GBE1: variants seen among roughly 807,000 people sequenced by gnomAD.
GBE1 encodes 1,4-alpha-glucan-branching enzyme.
Under a neutral mutation model 88.8 loss-of-function variants are expected in GBE1, and 70 were observed. The ratio of observed to expected loss-of-function variants is 0.79; its 90% CI spans 0.65 to 0.96. GBE1 has a LOEUF of 0.96. GBE1 is among the 40% of genes least tolerant of loss of function. The pLI is 0.00. For missense variants in GBE1, 872 were observed against 871.0 expected (o/e 1.00, Z -0.01); for synonymous variants, 284 against 300.1 (o/e 0.95, Z 0.56).
intron 11 of GBE1, among the ~76,000 whole-genome samples, chr3:81,579,116 C>T (rs371170295): frequency 6.6e-6 from 1 of 152,012 alleles, no homozygotes; most frequent in South Asian, 2.1e-4. Flanking sequence ...ATAGATAAAG[C>T]TTATTCTCAT....
chr3:81,558,794 AT>A (rs1181755883), intron 12 of GBE1, among the ~76,000 whole-genome samples: 1 of 152,088 alleles, frequency 6.6e-6, no homozygotes. Context: ...ACCTTTTTAT[AT>A]TTAAACATGT....
chr3:81,664,598 C>T (rs1705084771), intron 3 of GBE1, among the ~76,000 whole-genome samples: 1 of 152,092 alleles, frequency 6.6e-6, no homozygotes, highest in African/African-American at 2.4e-5. Flanking sequence ...TATATAATAA[C>T]TCATTATTAA....
chr3:81,734,784 G>A (rs1469398447), intron 1 of GBE1, among the ~76,000 whole-genome samples: 2 of 152,168 alleles, frequency 1.3e-5, no homozygotes, highest in Non-Finnish European at 1.5e-5. Flanking sequence ...TGCCGTATCA[G>A]TTGTGGCATT....
At chr3:81,523,721 G>T (rs1397596981) in intron 14 of GBE1, among the ~76,000 whole-genome samples, 32 of 151,360 alleles carry the variant, frequency 2.1e-4, no homozygotes, top group Admixed American at 2.1e-3. Flanking sequence ...TTAATTTTTA[G>T]CTTCCATAAA....
intron 1 of GBE1, among the ~76,000 whole-genome samples, chr3:81,711,048 T>C (rs1295282942): frequency 1.3e-5 from 2 of 152,086 alleles, no homozygotes; most frequent in African/African-American, 4.8e-5. Context: ...CAAACTAAAA[T>C]CTTTGCTCTC....
chr3:81,695,291 AC>A (rs1705575452), intron 2 of GBE1, among the ~76,000 whole-genome samples: 1 of 152,240 alleles, frequency 6.6e-6, no homozygotes, highest in Non-Finnish European at 1.5e-5. Context: ...AATGTGGACT[AC>A]CTATACAGTG....
At chr3:81,633,178 G>A (rs781458656) in intron 7 of GBE1, among the ~76,000 whole-genome samples, 4 of 152,166 alleles carry the variant, frequency 2.6e-5, no homozygotes, top group Non-Finnish European at 5.9e-5. Flanking sequence ...TTCAGAGAAC[G>A]AGGGTGGCTA....
chr3:81,521,139 C>T (rs1342553550), intron 14 of GBE1, among the ~76,000 whole-genome samples: 1 of 151,450 alleles, frequency 6.6e-6, no homozygotes, highest in Non-Finnish European at 1.5e-5. Context: ...AAATTGATGT[C>T]TTGCTATTTG....
Position 81,659,336 on chromosome 3 carries a change from AT to A in GBE1, c.430-9416del, listed in dbSNP as rs546553967. Among the ~76,000 whole-genome samples, 807 of 148,356 alleles carry A rather than the reference AT, an allele frequency of 5.4e-3. 7 individuals are homozygous for A. Among genetic ancestry groups the A allele is most frequent in the Non-Finnish European group, 7.3e-3 (491 of 66,844 alleles). ...ATTCCTAAGCAATCATTCTTTTTTT[AT>A]TTTTTTTTTATTTTTTTTTAGACAG... On this transcript the variant is annotated intron_variant, in intron 3 of 15. Coordinates refer to ENST00000429644, the MANE Select transcript of GBE1 (RefSeq NM_000158.4).
At chr3:81,597,528 G>C (rs1223038004) in intron 7 of GBE1, among the ~76,000 whole-genome samples, 2 of 147,434 alleles carry the variant, frequency 1.4e-5, no homozygotes, top group Non-Finnish European at 3.0e-5. Context: ...CAATGAATGT[G>C]TTTAAGAAGT....
At chr3:81,754,450 T>A (rs1575779441) in intron 1 of GBE1, among the ~76,000 whole-genome samples, 1 of 91,318 alleles carries the variant, frequency 1.1e-5, no homozygotes, top group Non-Finnish European at 2.4e-5. Flanking sequence ...CACAGAAATA[T>A]AAAAATAAAT....
chr3:81,706,474 A>G (rs913825102), intron 1 of GBE1, among the ~76,000 whole-genome samples: 2 of 152,160 alleles, frequency 1.3e-5, no homozygotes, highest in Non-Finnish European at 1.5e-5. Flanking sequence ...GTAAAACTGG[A>G]GAAGTAAACC....
intron 2 of GBE1, among the ~76,000 whole-genome samples, chr3:81,700,108 C>T (rs1705665327): frequency 6.6e-6 from 1 of 152,186 alleles, no homozygotes; most frequent in African/African-American, 2.4e-5. Context: ...GGGAGAGCCA[C>T]AGCTGACCAC....
At chr3:81,718,957 TAC>T (rs2107186834) in intron 1 of GBE1, among the ~76,000 whole-genome samples, 1 of 152,196 alleles carries the variant, frequency 6.6e-6, no homozygotes, top group South Asian at 2.1e-4. Context: ...TTTTGCAGTT[TAC>T]AGTTTACCAG....
intron 1 of GBE1, among the ~76,000 whole-genome samples, chr3:81,732,441 C>A (rs1407749248): frequency 2.6e-5 from 4 of 152,138 alleles, no homozygotes; most frequent in Non-Finnish European, 4.4e-5. Context: ...GAAATCCAAG[C>A]TATAGTACTG....
intron 3 of GBE1, among the ~76,000 whole-genome samples, chr3:81,662,662 T>TAA (rs1287876832): frequency 3.2e-4 from 41 of 129,976 alleles, no homozygotes; most frequent in Middle Eastern, 7.9e-3. Flanking sequence ...AACAGTTTTG[T>TAA]AAAAAAAAAA....
At chr3:81,582,011 G>T (rs1022396402) in intron 10 of GBE1, among the ~76,000 whole-genome samples, 1 of 151,510 alleles carries the variant, frequency 6.6e-6, no homozygotes, top group Non-Finnish European at 1.5e-5. Flanking sequence ...TGAAACTCTT[G>T]CTTTATATTG....
intron 1 of GBE1, among the ~76,000 whole-genome samples, chr3:81,728,145 T>TA (rs1476426011): frequency 1.3e-5 from 2 of 151,372 alleles, no homozygotes; most frequent in Non-Finnish European, 2.9e-5. Context: ...ATACTGAGGG[T>TA]AAAAAAAACG....
At chr3:81,758,586 T>C (rs1274469175) in intron 1 of GBE1, among the ~76,000 whole-genome samples, 1 of 152,258 alleles carries the variant, frequency 6.6e-6, no homozygotes, top group African/African-American at 2.4e-5. Flanking sequence ...AACAATTAAA[T>C]GTTGTTTTAA....
Sources: allele counts gnomAD v4.1 joint callset (sites outside exome capture counted in the v4.1 genomes callset), GRCh38; gene constraint gnomAD v4.1.1; transcripts MANE v1.5; gene names NCBI Gene and HGNC (gene_info 2026-07-23, HGNC 2026-07-21).